Variants in PPP1R42 observed in about 807,000 individuals in gnomAD.
PPP1R42 encodes protein phosphatase 1 regulatory subunit 42.
Under a neutral mutation model 31.0 loss-of-function variants are expected in PPP1R42, and 34 were observed. The ratio of observed to expected loss-of-function variants is 1.10; its 90% confidence interval spans 0.83 to 1.46. The LOEUF is 1.46. PPP1R42 is among the 40% of genes most tolerant of loss of function. The probability of loss-of-function intolerance (pLI) is 0.00; values close to 1 mark genes in which losing one functional copy is unlikely to be tolerated. For synonymous variants in PPP1R42, 103 were observed against 109.8 expected (o/e 0.94, Z 0.39); for missense variants, 268 against 303.0 (o/e 0.88, Z 0.86).
intron 1 of PPP1R42, among the ~76,000 whole-genome samples, chr8:67,020,634 T>G (rs1816186249): frequency 1.3e-5 from 2 of 152,238 alleles, no homozygotes; most frequent in African/African-American, 4.8e-5. Context: ...CAAGGGATAA[T>G]GTGAGGATTG....
At chr8:67,018,274 GC>G (rs11355254) in intron 1 of PPP1R42, among the ~76,000 whole-genome samples, 152,021 of 152,022 alleles carry the variant, frequency 1, 76,010 homozygotes, top group Non-Finnish European at 1. Context: ...GTGCTACCAC[GC>G]CCCAGCTAAT....
Position 67,028,475 on chromosome 8 carries a change from C to T in PPP1R42, c.-85+16G>A. 1.0e-6 allele frequency: 1 copy of T among 985,480 alleles called. No homozygotes were observed. The highest frequency in any genetic ancestry group is 1.2e-6 in the Non-Finnish European group (1 of 829,908). 61.0% of individuals were successfully genotyped at this position (985,480 alleles called of 1,614,324 possible). ...GTTTCCTCGGTCCCCACGCTTATTC[C>T]CCGCGGGCAGCTCACCGCTCGCGGG... On this transcript the variant is annotated intron_variant, in intron 1 of 7. Coordinates refer to ENST00000685739, the MANE Select transcript of PPP1R42 (RefSeq NM_001364910.1).
intron 5 of PPP1R42, among the ~76,000 whole-genome samples, chr8:67,003,017 T>C (rs1488892990): frequency 4.7e-5 from 7 of 150,096 alleles, no homozygotes; most frequent in Non-Finnish European, 7.4e-5. Flanking sequence ...AAAAAAAAAT[T>C]AGCTGGGCGT....
At chr8:66,969,028 T>C (rs1267168504) in intron 7 of PPP1R42, among the ~76,000 whole-genome samples, 1 of 152,206 alleles carries the variant, frequency 6.6e-6, no homozygotes, top group African/African-American at 2.4e-5. Flanking sequence ...CAGTACATAG[T>C]AGTTTGTATT....
At chr8:67,014,286 A>G (rs1468849614) in intron 3 of PPP1R42, 140 bp downstream of exon 3, 13 of 457,550 alleles carry the variant, frequency 2.8e-5, no homozygotes, top group Middle Eastern at 5.8e-4. Flanking sequence ...TTTTTTTCAT[A>G]TAAGTATGAA....
At chr8:66,984,227 T>C in intron 6 of PPP1R42, 2 of 1,514,964 alleles carry the variant, frequency 1.3e-6, no homozygotes, top group Non-Finnish European at 1.8e-6. Flanking sequence ...ATGTTCTCTA[T>C]AGGACACTGT....
At chr8:67,027,770 T>C (rs958785307) in intron 1 of PPP1R42, among the ~76,000 whole-genome samples, 15 of 152,210 alleles carry the variant, frequency 9.9e-5, no homozygotes, top group African/African-American at 3.6e-4. Context: ...AAAGAGATTG[T>C]GTTCTAAAGT....
chr8:66,987,287 CTT>C (rs71249412), intron 6 of PPP1R42, among the ~76,000 whole-genome samples: 386 of 105,976 alleles, frequency 3.6e-3, no homozygotes, highest in Non-Finnish European at 5.8e-3. Flanking sequence ...AGCAAATGAT[CTT>C]TTTTTTTTTT....
rs572630323 is a variant in PPP1R42 at position 67,010,625 on chromosome 8, T to C, written c.552+90A>G. ...AGAACAAATCCAGAGTAGTTTTTAA[T>C]GTGATATATTTATTTTATAGCTATT... On this transcript the variant is annotated intron_variant, in intron 5 of 7. Coordinates refer to ENST00000685739, the MANE Select transcript of PPP1R42 (RefSeq NM_001364910.1). 7.7e-4 allele frequency: 648 copies of C among 845,914 alleles called. 1 individual carries two copies. Among genetic ancestry groups the C allele is most frequent in the Middle Eastern group, 4.9e-3 (15 of 3,062 alleles). The allele number at this position is 845,914 out of a possible 1,614,324, so 52.4% of individuals were successfully genotyped here.
At chr8:66,986,104 T>C (rs1357347216) in intron 6 of PPP1R42, 5 of 711,402 alleles carry the variant, frequency 7.0e-6, no homozygotes, top group Non-Finnish European at 1.3e-5. Context: ...TTGTCCATGC[T>C]CTTCCCTACA....
chr8:66,998,904 GT>G (rs921364027), intron 5 of PPP1R42, among the ~76,000 whole-genome samples: 2 of 150,814 alleles, frequency 1.3e-5, no homozygotes, highest in Admixed American at 6.6e-5. Flanking sequence ...GTCATTGTGT[GT>G]TTTTTTTTAT....
At position 66,964,121 on chromosome 8, in the gene PPP1R42, A is replaced by G. The variant is rs1310906552; in HGVS notation, c.*200T>C. Reference sequence around the variant, plus strand: ...CAATAACTTAAAAGTTTTTCCTTATATTATGAGATACCATAAAGCTACAAA... The same window carrying G: ...CAATAACTTAAAAGTTTTTCCTTATGTTATGAGATACCATAAAGCTACAAA... On this transcript the variant is annotated 3_prime_UTR_variant, in exon 8 of 8. Coordinates refer to ENST00000685739, the MANE Select transcript of PPP1R42 (RefSeq NM_001364910.1). 4 of 402,928 alleles carry G rather than the reference A, an allele frequency of 9.9e-6. No individual in the cohort carries two copies. The highest frequency in any genetic ancestry group is 2.1e-5 in the African/African-American group (1 of 46,874). The allele number at this position is 402,928 out of a possible 1,614,324, so 25.0% of individuals were successfully genotyped here.
At chr8:67,015,598 C>CTT (rs375638249) in intron 2 of PPP1R42, among the ~76,000 whole-genome samples, 4 of 135,462 alleles carry the variant, frequency 3.0e-5, no homozygotes, top group Admixed American at 7.5e-5. Flanking sequence ...ACATCAATTA[C>CTT]TTTTTTTTTT....
chr8:67,010,040 C>G (rs1053607605), intron 5 of PPP1R42, among the ~76,000 whole-genome samples: 3 of 152,174 alleles, frequency 2.0e-5, no homozygotes, highest in African/African-American at 7.2e-5. Flanking sequence ...TCGAGGAAGC[C>G]TTCTATAGCC....
intron 1 of PPP1R42, chr8:67,021,316 CTT>C (rs1176924793): frequency 6.6e-6 from 1 of 151,948 alleles, no homozygotes; most frequent in Admixed American, 6.6e-5. Context: ...GGAATGTATT[CTT>C]AGACTCTTCA....
intron 6 of PPP1R42, among the ~76,000 whole-genome samples, chr8:66,986,596 A>G (rs192111076): frequency 6.6e-6 from 1 of 152,316 alleles, no homozygotes; most frequent in East Asian, 1.9e-4. Flanking sequence ...TGCGTCGCAG[A>G]ACCGAAACGT....
intron 6 of PPP1R42, chr8:66,984,283 C>A (rs900394841): frequency 7.3e-7 from 1 of 1,374,498 alleles, no homozygotes. Context: ...TGTACCCTCC[C>A]AGAATAGTAC....
chr8:67,010,693 A>T, intron 5 of PPP1R42, 22 bp downstream of exon 5: 1 of 1,468,604 alleles, frequency 6.8e-7, no homozygotes. Flanking sequence ...ATATCTTAAA[A>T]ATTAATTTCT....
At chr8:66,985,927 C>G (rs1290036758) in intron 6 of PPP1R42, 1 of 832,742 alleles carries the variant, frequency 1.2e-6, no homozygotes, top group African/African-American at 1.7e-5. Context: ...CCTTGGAGAG[C>G]TCAAGAGTCA....
Sources: allele counts gnomAD v4.1 joint callset (sites outside exome capture counted in the v4.1 genomes callset), GRCh38; gene constraint gnomAD v4.1.1; transcripts MANE v1.5; gene names NCBI Gene and HGNC (gene_info 2026-07-23, HGNC 2026-07-21).